Variants in NCAM2 observed in about 807,000 individuals in gnomAD.
The protein encoded by NCAM2 is neural cell adhesion molecule 2.
Under a neutral mutation model 98.1 loss-of-function variants are expected in NCAM2, and 30 were observed. That is an observed-to-expected ratio of 0.31 (90% CI 0.23 to 0.41). NCAM2 has a LOEUF of 0.41. Ranked by LOEUF, NCAM2 falls within the 10% of genes least tolerant of loss-of-function variation. NCAM2 has a pLI of 1.00. For missense variants in NCAM2, 867 were observed against 1,005.8 expected, an observed-to-expected ratio of 0.86 and a Z score of 1.87; for synonymous variants, 368 against 342.4, an observed-to-expected ratio of 1.07 and a Z score of -0.83.
intron 1 of NCAM2, among the ~76,000 whole-genome samples, chr21:21,216,946 G>A (rs1248450512): frequency 6.7e-6 from 1 of 150,202 alleles, no homozygotes; most frequent in Admixed American, 6.7e-5. Context: ...CTTGGTTGAA[G>A]TTTTGTCTGT....
At chr21:21,502,285 C>A (rs960960544) in intron 15 of NCAM2, among the ~76,000 whole-genome samples, 6 of 151,804 alleles carry the variant, frequency 4.0e-5, no homozygotes, top group African/African-American at 1.4e-4. Flanking sequence ...AATTTTCTAT[C>A]CATGTATCAA....
intron 1 of NCAM2, among the ~76,000 whole-genome samples, chr21:21,221,546 A>G (rs1478946269): frequency 6.6e-6 from 1 of 152,228 alleles, no homozygotes; most frequent in African/African-American, 2.4e-5. Context: ...AGAAAGCTTT[A>G]TTAGTCTAGC....
intron 1 of NCAM2, among the ~76,000 whole-genome samples, chr21:21,070,336 T>C (rs187309181): frequency 6.6e-6 from 1 of 150,794 alleles, no homozygotes; most frequent in African/African-American, 2.4e-5. Flanking sequence ...ATGGCACAAA[T>C]AGAAGATAGA....
chr21:21,474,142 C>G (rs1235447526), intron 14 of NCAM2, among the ~76,000 whole-genome samples: 1 of 151,814 alleles, frequency 6.6e-6, no homozygotes, highest in East Asian at 1.9e-4. Flanking sequence ...GATTTTGATG[C>G]CAGGGGAGTA....
At chr21:21,251,560 G>A (rs910217765) in intron 1 of NCAM2, among the ~76,000 whole-genome samples, 1 of 152,068 alleles carries the variant, frequency 6.6e-6, no homozygotes, top group Non-Finnish European at 1.5e-5. Flanking sequence ...TATCATTGAT[G>A]CGCATTTGAG....
At chr21:21,187,219 G>A (rs550994571) in intron 1 of NCAM2, among the ~76,000 whole-genome samples, 5 of 152,096 alleles carry the variant, frequency 3.3e-5, no homozygotes, top group African/African-American at 4.8e-5. Context: ...GCGAAACTCC[G>A]TCTAAAAACA....
At chr21:21,151,616 T>C (rs1303988019) in intron 1 of NCAM2, among the ~76,000 whole-genome samples, 3 of 152,052 alleles carry the variant, frequency 2.0e-5, no homozygotes, top group Non-Finnish European at 4.4e-5. Context: ...GGCATACACG[T>C]ACAGGATTTT....
intron 5 of NCAM2, among the ~76,000 whole-genome samples, chr21:21,323,004 C>T (rs2074417783): frequency 6.6e-6 from 1 of 152,092 alleles, no homozygotes; most frequent in Admixed American, 6.6e-5. Context: ...GACTACTTAA[C>T]ACATACAGAA....
Position 21,541,821 on chromosome 21 carries a change from A to G in NCAM2, c.*3864A>G, listed in dbSNP as rs1022264352. 2 of 151,812 alleles carry G rather than the reference A, an allele frequency of 1.3e-5. No homozygotes were observed. Among genetic ancestry groups the G allele is most frequent in the Non-Finnish European group, 3.0e-5 (2 of 67,756 alleles). The allele number at this position is 151,812 out of a possible 1,614,324, so 9.4% of individuals were successfully genotyped here. A position where few individuals can be genotyped will look rare whatever the true frequency, so the allele number is the denominator to read the frequency against. On this transcript the variant is annotated 3_prime_UTR_variant, in exon 18 of 18. Coordinates refer to ENST00000400546, the MANE Select transcript of NCAM2 (RefSeq NM_004540.5). ...AACATTCAACTTAAATCCCCCATGA[A>G]GTTTTTTCATGCTCATACTCATAAT... is the stretch of plus-strand genomic sequence containing the variant.
chr21:21,448,752 TAAATG>T (rs1172923559), intron 12 of NCAM2, among the ~76,000 whole-genome samples: 1 of 152,046 alleles, frequency 6.6e-6, no homozygotes, highest in Non-Finnish European at 1.5e-5. Flanking sequence ...CTGACTATGT[TAAATG>T]AAACTGCAGT....
At chr21:21,431,350 G>A (rs2077340280) in intron 11 of NCAM2, among the ~76,000 whole-genome samples, 1 of 147,778 alleles carries the variant, frequency 6.8e-6, no homozygotes, top group African/African-American at 2.5e-5. Context: ...TGCGTGCTCT[G>A]CCTTTGAGAT....
At chr21:21,254,499 A>C (rs1429084489) in intron 1 of NCAM2, among the ~76,000 whole-genome samples, 1 of 152,212 alleles carries the variant, frequency 6.6e-6, no homozygotes, top group Non-Finnish European at 1.5e-5. Context: ...CATGTTGATC[A>C]ATTGACACAC....
rs150893759 is a variant in NCAM2 at position 21,109,396 on chromosome 21, A to G, written c.55+110778A>G. The stretch of plus-strand genomic sequence containing the variant: ...CACAGGATATGATTATCAACATCTC[A>G]TGTACCCCACAAATATATACACATA... On this transcript the variant is annotated intron_variant, in intron 1 of 17. Coordinates refer to ENST00000400546, the MANE Select transcript of NCAM2 (RefSeq NM_004540.5). 8.5e-4 allele frequency among the ~76,000 whole-genome samples: 129 copies of G among 152,252 alleles called. 1 individual carries two copies. The highest frequency in any genetic ancestry group is 1.7e-3 in the South Asian group (8 of 4,830).
chr21:21,452,344 A>C (rs1744030539), intron 12 of NCAM2, among the ~76,000 whole-genome samples: 1 of 130,314 alleles, frequency 7.7e-6, no homozygotes, highest in Non-Finnish European at 1.7e-5. Context: ...TTTAACAAAA[A>C]CTGAAAAGCA....
chr21:21,230,941 G>T (rs1412898101), intron 1 of NCAM2, among the ~76,000 whole-genome samples: 1 of 151,284 alleles, frequency 6.6e-6, no homozygotes, highest in African/African-American at 2.4e-5. Context: ...TATAGAAAGA[G>T]ATAATGAGAG....
At chr21:21,175,540 A>T (rs1569110165) in intron 1 of NCAM2, among the ~76,000 whole-genome samples, 1 of 151,478 alleles carries the variant, frequency 6.6e-6, no homozygotes, top group Non-Finnish European at 1.5e-5. Flanking sequence ...CTCAAAAAAA[A>T]TAAAAAAAAA....
chr21:21,351,000 C>T (rs553245931), intron 8 of NCAM2, among the ~76,000 whole-genome samples: 28 of 149,378 alleles, frequency 1.9e-4, no homozygotes, highest in African/African-American at 6.6e-4. Flanking sequence ...GCCTGTAGTC[C>T]CAGCTACTCC....
intron 1 of NCAM2, among the ~76,000 whole-genome samples, chr21:21,113,504 A>C: frequency 6.6e-6 from 1 of 152,120 alleles, no homozygotes; most frequent in Non-Finnish European, 1.5e-5. Context: ...GTAAGTGTGG[A>C]TTATTTGAGT....
rs1057421745 is a variant in NCAM2 at position 21,094,866 on chromosome 21, G to A, written c.55+96248G>A. On this transcript the variant is annotated intron_variant, in intron 1 of 17. Coordinates refer to ENST00000400546, the MANE Select transcript of NCAM2 (RefSeq NM_004540.5). ...TTTCTAATTGAAAAAATTCCATGGG[G>A]ACATTAATCACAATCAGTGCATAAT... Among the ~76,000 whole-genome samples the A allele has an allele frequency of 4.6e-5, 7 of 151,638 alleles. No individual in the cohort carries two copies. The East Asian group carries it at 7.7e-4, about 17-fold the overall frequency.
Sources: allele counts gnomAD v4.1 joint callset (sites outside exome capture counted in the v4.1 genomes callset), GRCh38; gene constraint gnomAD v4.1.1; transcripts MANE v1.5; gene names NCBI Gene and HGNC (gene_info 2026-07-23, HGNC 2026-07-21).